Variants in BRD10 observed in about 807,000 individuals in gnomAD.
BRD10 encodes bromodomain containing 10.
chr9:5,937,335 G>A, the BRD10 span, among the ~76,000 whole-genome samples: 1 of 151,814 alleles, frequency 6.6e-6, no homozygotes, highest in African/African-American at 2.4e-5. Flanking sequence ...TCAGGGGTTC[G>A]AGACCAGCCT....
chr9:5,982,909 C>T, the BRD10 span, among the ~76,000 whole-genome samples: 4 of 152,078 alleles, frequency 2.6e-5, no homozygotes, highest in African/African-American at 9.7e-5. Context: ...TTATACAGAA[C>T]AGAAATCTAT....
chr9:5,918,913 C>T, the BRD10 span: 5 of 151,784 alleles, frequency 3.3e-5, no homozygotes, highest in African/African-American at 1.2e-4. Context: ...AGCTCTAATT[C>T]AAATTTCCCA....
chr9:5,902,911 G>T, the BRD10 span, among the ~76,000 whole-genome samples: 3 of 152,224 alleles, frequency 2.0e-5, no homozygotes, highest in African/African-American at 7.2e-5. Flanking sequence ...TGAAAGCTTA[G>T]ATGACTGATT....
At chr9:5,922,974 C>T in the BRD10 span, 14 of 1,613,882 alleles carry the variant, frequency 8.7e-6, no homozygotes, top group Non-Finnish European at 1.2e-5. Flanking sequence ...GCAAGCAAAG[C>T]CTGAATGGGT....
At chr9:5,946,247 T>G in the BRD10 span, among the ~76,000 whole-genome samples, 1,287 of 152,096 alleles carry the variant, frequency 8.5e-3, 27 homozygotes, top group East Asian at 0.033. Flanking sequence ...CAATTACATA[T>G]TAGGAATATC....
At chr9:5,896,725 G>C in the BRD10 span, among the ~76,000 whole-genome samples, 1 of 152,200 alleles carries the variant, frequency 6.6e-6, no homozygotes, top group Non-Finnish European at 1.5e-5. Flanking sequence ...TCCAGGCCCT[G>C]TTTCCAGGGT....
the BRD10 span, chr9:5,933,882 CT>C: frequency 4.3e-6 from 2 of 462,582 alleles, no homozygotes; most frequent in African/African-American, 4.1e-5. Context: ...CATTGGATAC[CT>C]AAAAAGGAAA....
At chr9:5,894,621 G>A in the BRD10 span, among the ~76,000 whole-genome samples, 1 of 152,170 alleles carries the variant, frequency 6.6e-6, no homozygotes, top group Non-Finnish European at 1.5e-5. This position sits in a 1 kb window ranked among gnomAD's most constrained non-coding sequence, Gnocchi z 4.0. Flanking sequence ...TGCTGGGGAG[G>A]GGCATAATGA....
chr9:5,980,652 T>A, the BRD10 span, among the ~76,000 whole-genome samples: 1 of 150,642 alleles, frequency 6.6e-6, no homozygotes, highest in East Asian at 1.9e-4. Flanking sequence ...AAAAAAAACT[T>A]CACACACACA....
At chr9:5,992,620 G>T in the BRD10 span, among the ~76,000 whole-genome samples, 1 of 152,012 alleles carries the variant, frequency 6.6e-6, no homozygotes, top group Non-Finnish European at 1.5e-5. Context: ...AAATCTGACA[G>T]TAGTTTGAAA....
chr9:5,940,471 G>A, the BRD10 span, among the ~76,000 whole-genome samples: 145 of 152,298 alleles, frequency 9.5e-4, 2 homozygotes, highest in African/African-American at 3.3e-3. Flanking sequence ...GGGATTACAG[G>A]CGTGAGCCAC....
chr9:5,968,697 A>T, the BRD10 span: 1 of 1,613,782 alleles, frequency 6.2e-7, no homozygotes, highest in Non-Finnish European at 8.5e-7. Flanking sequence ...TCACACTTCA[A>T]TTTCTCCAAT....
chr9:5,930,708 A>G, the BRD10 span, among the ~76,000 whole-genome samples: 1 of 152,202 alleles, frequency 6.6e-6, no homozygotes, highest in African/African-American at 2.4e-5. Flanking sequence ...TTTTTATTTC[A>G]TATATTAATC....
the BRD10 span, chr9:5,920,527 CG>C: frequency 6.2e-7 from 1 of 1,613,830 alleles, no homozygotes; most frequent in Non-Finnish European, 8.5e-7. Flanking sequence ...CAAAATTGGA[CG>C]TATTAGTTAT....
At chr9:5,895,854 T>C in the BRD10 span, among the ~76,000 whole-genome samples, 147,986 of 152,358 alleles carry the variant, frequency 0.97, 71,992 homozygotes, top group Non-Finnish European at 0.99. Flanking sequence ...CGCTCTCAGT[T>C]ACTTGGGCAT....
the BRD10 span, among the ~76,000 whole-genome samples, chr9:6,006,993 C>T: frequency 2.6e-5 from 4 of 152,212 alleles, no homozygotes; most frequent in African/African-American, 9.6e-5. Flanking sequence ...CCTTCTCAGT[C>T]TACGCGCAAG....
the BRD10 span, among the ~76,000 whole-genome samples, chr9:6,003,899 T>C: frequency 6.6e-6 from 1 of 152,258 alleles, no homozygotes; most frequent in South Asian, 2.1e-4. Context: ...CCTAATATTT[T>C]CTTCTCTCAC....
At chr9:5,921,125 G>A in the BRD10 span, 1 of 1,613,870 alleles carries the variant, frequency 6.2e-7, no homozygotes, top group African/African-American at 1.3e-5. Flanking sequence ...TACTGGAACT[G>A]AATTACCACT....
the BRD10 span, chr9:5,924,678 T>C: frequency 6.6e-7 from 1 of 1,512,956 alleles, no homozygotes; most frequent in Non-Finnish European, 8.9e-7. Flanking sequence ...GTGATCTTTC[T>C]CCAGGATATC....
Sources: allele counts gnomAD v4.1 joint callset (sites outside exome capture counted in the v4.1 genomes callset), GRCh38; gene constraint gnomAD v4.1.1; non-coding constraint Gnocchi (gnomAD v3.1); transcripts MANE v1.5; gene names NCBI Gene and HGNC (gene_info 2026-07-23, HGNC 2026-07-21).